Variants in CBLN2 observed in about 807,000 individuals in gnomAD.
CBLN2 encodes cerebellin 2 precursor.
Under a neutral mutation model 15.0 loss-of-function variants are expected in CBLN2, and 7 were observed. That is an observed-to-expected ratio of 0.47 (90% confidence interval 0.27 to 0.88). CBLN2 has a LOEUF of 0.88. Ranked by LOEUF, CBLN2 falls within the 40% of genes least tolerant of loss-of-function variation. The pLI is 0.14. For missense variants in CBLN2, 242 were observed against 304.5 expected (o/e 0.79, Z 1.53); for synonymous variants, 149 against 135.2 (o/e 1.10, Z -0.71).
intron 1 of CBLN2, among the ~76,000 whole-genome samples, chr18:72,609,033 G>A (rs1568130609): frequency 6.6e-6 from 1 of 152,060 alleles, no homozygotes; most frequent in Admixed American, 6.5e-5. Context: ...CTTTGACATG[G>A]GTATTATTAC....
chr18:72,590,058 G>A (rs1307639719), intron 1 of CBLN2, among the ~76,000 whole-genome samples: 1 of 152,218 alleles, frequency 6.6e-6, no homozygotes, highest in Non-Finnish European at 1.5e-5. Context: ...ACGAGGTCAG[G>A]AGATCAAGAC....
rs1183673848 is a variant in CBLN2, at chr18:72,625,816, CTCTATA to C, written c.15+12503_15+12508del. Among the ~76,000 whole-genome samples the C allele has an allele frequency of 6.2e-3, 382 of 61,604 alleles. 3 individuals are homozygous for C. The highest frequency in any genetic ancestry group is 0.012 in the African/African-American group (191 of 15,554). The allele number at this position is 61,604 out of a possible 152,430, so 40.4% of individuals were successfully genotyped here. On this transcript the variant is annotated intron_variant, in intron 1 of 2. Coordinates refer to the CBLN2 transcript ENST00000581073. ...TCTCTCTCTCTCTCTCTCTCTCTCTCTCTATATATATATATATATATATATATAGTA... is the reference window on the plus strand; with the variant it reads ...TCTCTCTCTCTCTCTCTCTCTCTCTCTATATATATATATATATATATAGTA...
chr18:72,606,827 A>G (rs2069586421), intron 1 of CBLN2, among the ~76,000 whole-genome samples: 1 of 152,248 alleles, frequency 6.6e-6, no homozygotes, highest in South Asian at 2.1e-4. Context: ...GGCAAAAGCC[A>G]TCACACAGAG....
At chr18:72,617,934 G>A (rs1293392091) in intron 1 of CBLN2, among the ~76,000 whole-genome samples, 1 of 151,730 alleles carries the variant, frequency 6.6e-6, no homozygotes. Context: ...TCCAGAACGA[G>A]AAAAAGAAAA....
At chr18:72,566,260 C>G (rs374266444) in intron 1 of CBLN2, among the ~76,000 whole-genome samples, 1 of 152,046 alleles carries the variant, frequency 6.6e-6, no homozygotes, top group African/African-American at 2.4e-5. Context: ...CAGTATGGAA[C>G]GTCCTCAAAA....
chr18:72,548,948 T>C (rs1197646691), upstream of CBLN2, among the ~76,000 whole-genome samples: 1 of 152,170 alleles, frequency 6.6e-6, no homozygotes, highest in Non-Finnish European at 1.5e-5. Context: ...AAATGCTGGG[T>C]GGAGCCTGAA....
At chr18:72,622,842 T>C (rs944924446) in intron 1 of CBLN2, among the ~76,000 whole-genome samples, 1 of 152,198 alleles carries the variant, frequency 6.6e-6, no homozygotes, top group African/African-American at 2.4e-5. Context: ...TCCCTGCTTA[T>C]CGTCTTTGAG....
intron 1 of CBLN2, among the ~76,000 whole-genome samples, chr18:72,613,436 C>A (rs1049259859): frequency 1.3e-5 from 2 of 152,164 alleles, no homozygotes; most frequent in African/African-American, 4.8e-5. Context: ...GCTAGCATTT[C>A]ACAATTTATT....
chr18:72,585,508 C>T (rs1034253130), intron 1 of CBLN2, among the ~76,000 whole-genome samples: 4 of 152,130 alleles, frequency 2.6e-5, no homozygotes, highest in African/African-American at 7.2e-5. Flanking sequence ...GAAGGTCATC[C>T]CATCATCTGA....
intron 1 of CBLN2, among the ~76,000 whole-genome samples, chr18:72,561,031 T>G (rs113955162): frequency 6.6e-6 from 1 of 151,744 alleles, no homozygotes; most frequent in African/African-American, 2.4e-5. Context: ...GAAAGAAAAA[T>G]AAAAATAAAT....
At chr18:72,590,997 G>C (rs975979820) in intron 1 of CBLN2, among the ~76,000 whole-genome samples, 1 of 152,160 alleles carries the variant, frequency 6.6e-6, no homozygotes, top group South Asian at 2.1e-4. Flanking sequence ...AAGATAAAGG[G>C]CTGCTGCTAT....
intron 1 of CBLN2, among the ~76,000 whole-genome samples, chr18:72,621,909 C>A (rs1408819812): frequency 1.3e-5 from 2 of 152,106 alleles, no homozygotes; most frequent in African/African-American, 4.8e-5. Flanking sequence ...AGCTGAGAAA[C>A]CGATGGATTC....
intron 1 of CBLN2, among the ~76,000 whole-genome samples, chr18:72,634,395 G>A (rs536109767): frequency 7.9e-5 from 12 of 151,796 alleles, no homozygotes; most frequent in Middle Eastern, 3.4e-3. Context: ...ATTAAATATT[G>A]TTTATTCCTT....
rs1599016371 is a variant in CBLN2 at position 72,597,278 on chromosome 18, G to T, written c.15+41047C>A. Among the ~76,000 whole-genome samples the T allele has an allele frequency of 2.0e-5, 3 of 152,298 alleles. No homozygotes were observed. The South Asian group carries it at 6.2e-4, about 32-fold the overall frequency. ...AAACTCCAAACACAGTAAAGCTGTG[G>T]CTTTTGCAGCCTTGCAGAGATATTA... is the stretch of plus-strand genomic sequence containing the variant. On this transcript the variant is annotated intron_variant, in intron 1 of 2. Coordinates refer to the CBLN2 transcript ENST00000581073.
At chr18:72,550,237 T>A (rs146830692) in intron 1 of CBLN2, among the ~76,000 whole-genome samples, 105 of 152,370 alleles carry the variant, frequency 6.9e-4, no homozygotes, top group Middle Eastern at 3.4e-3. Flanking sequence ...CTCATTGTAA[T>A]CTACAAGAAA....
chr18:72,609,303 T>C (rs2069605208), intron 1 of CBLN2, among the ~76,000 whole-genome samples: 1 of 152,136 alleles, frequency 6.6e-6, no homozygotes, highest in Non-Finnish European at 1.5e-5. Context: ...ATAGGGTCTT[T>C]AAAGATATAA....
chr18:72,616,497 G>A (rs1049199167), intron 1 of CBLN2, among the ~76,000 whole-genome samples: 3 of 152,302 alleles, frequency 2.0e-5, no homozygotes, highest in Admixed American at 1.3e-4. Flanking sequence ...GGGAACACAA[G>A]GGTGAGTCTG....
At chr18:72,592,397 AT>A (rs2069485829) in intron 1 of CBLN2, among the ~76,000 whole-genome samples, 1 of 151,808 alleles carries the variant, frequency 6.6e-6, no homozygotes, top group African/African-American at 2.4e-5. Context: ...TATTCTGGTT[AT>A]TGATCACTTA....
chr18:72,571,187 A>C (rs2069330194), intron 1 of CBLN2, among the ~76,000 whole-genome samples: 1 of 152,194 alleles, frequency 6.6e-6, no homozygotes, highest in Admixed American at 6.5e-5. Flanking sequence ...TTGTTTATCT[A>C]AATTAATACT....
Sources: gnomAD v4.1 joint callset for allele counts (sites outside exome capture counted in the v4.1 genomes callset) on GRCh38, gnomAD v4.1.1 for gene constraint, MANE v1.5 for transcripts, NCBI Gene and HGNC (gene_info 2026-07-23, HGNC 2026-07-21) for gene names.